The following RHOD variants were observed in gnomAD, a reference collection of about 807,000 sequenced individuals.
RHOD encodes ras homolog family member D, also known as rho-related GTP-binding protein RhoD.
Under a neutral mutation model 16.7 loss-of-function variants are expected in RHOD, and 11 were observed. The ratio of observed to expected loss-of-function variants is 0.66; its 90% CI spans 0.41 to 1.09. The LOEUF (loss-of-function observed/expected upper bound fraction) is 1.09. Among genes scored for constraint, RHOD ranks in the 50% least tolerant of loss-of-function variants. The pLI is 0.00. For synonymous variants in RHOD, 124 were observed against 126.3 expected (o/e 0.98, Z 0.12); for missense variants, 271 against 291.7 (o/e 0.93, Z 0.52).
At chr11:67,067,497 G>A (rs1233885109) in intron 3 of RHOD, among the ~76,000 whole-genome samples, 1 of 152,204 alleles carries the variant, frequency 6.6e-6, no homozygotes, top group East Asian at 1.9e-4. Flanking sequence ...ACCTTATGGA[G>A]TATTATTATT....
chr11:67,071,408 C>T, intron 4 of RHOD, 27 bp from the exon 5 acceptor site: 3 of 1,559,754 alleles, frequency 1.9e-6, no homozygotes, highest in Non-Finnish European at 2.6e-6. Flanking sequence ...CCCCCTTCAC[C>T]GCAGCCCCAT....
intron 1 of RHOD, among the ~76,000 whole-genome samples, chr11:67,058,828 TG>T (rs1854851544): frequency 6.6e-6 from 1 of 152,196 alleles, no homozygotes; most frequent in Non-Finnish European, 1.5e-5. Context: ...GCGGAGCTGG[TG>T]TCACCTCCTT....
chr11:67,057,454 G>A (rs955354629), intron 1 of RHOD, among the ~76,000 whole-genome samples: 1 of 152,214 alleles, frequency 6.6e-6, no homozygotes, highest in Non-Finnish European at 1.5e-5. Context: ...CATCACAGGT[G>A]AGTGACAGTG....
At chr11:67,061,737 TCTA>T (rs1854889914) in intron 1 of RHOD, among the ~76,000 whole-genome samples, 1 of 123,248 alleles carries the variant, frequency 8.1e-6, no homozygotes, top group African/African-American at 3.7e-5. Context: ...CGAGACCCTC[TCTA>T]AAAAAAAAAA....
At chr11:67,068,001 A>G (rs991302477) in intron 3 of RHOD, among the ~76,000 whole-genome samples, 2 of 151,792 alleles carry the variant, frequency 1.3e-5, no homozygotes, top group African/African-American at 2.4e-5. Flanking sequence ...GGGTTTCACC[A>G]TGTTAGCCAG....
chr11:67,066,030 C>A, intron 2 of RHOD, 47 bp downstream of exon 2: 1 of 1,378,904 alleles, frequency 7.3e-7, no homozygotes, highest in Non-Finnish European at 1.0e-6. Flanking sequence ...TCTGTGGGCC[C>A]CTGATGCCTG....
intron 1 of RHOD, among the ~76,000 whole-genome samples, chr11:67,058,694 G>A (rs1854848478): frequency 6.6e-6 from 1 of 152,132 alleles, no homozygotes; most frequent in Non-Finnish European, 1.5e-5. Context: ...CAGGACGGTC[G>A]GGCCTACCCC....
chr11:67,070,414 C>A lies in RHOD; in HGVS notation c.331-11C>A, dbSNP rs780369653. ...CACATGCCCCCCACATGCCCCCTCGCCCCCCTGCAGTGGTACCCAGAAGTG... is the reference window on the plus strand; with the variant it reads ...CACATGCCCCCCACATGCCCCCTCGACCCCCTGCAGTGGTACCCAGAAGTG... On this transcript the variant is annotated splice_polypyrimidine_tract_variant and intron_variant, in intron 3 of 4. Coordinates refer to ENST00000308831, the MANE Select transcript of RHOD (RefSeq NM_014578.4). The A allele has an allele frequency of 1.9e-6, 3 of 1,613,510 alleles. No homozygotes were observed. Among genetic ancestry groups the A allele is most frequent in the Admixed American group, 3.3e-5 (2 of 59,982 alleles).
At chr11:67,066,891 C>A in intron 3 of RHOD, 44 bp downstream of exon 3, 2 of 1,304,802 alleles carry the variant, frequency 1.5e-6, no homozygotes, top group Non-Finnish European at 2.2e-6. Context: ...ATAGCCAGGC[C>A]ACTCCACTCT....
intron 1 of RHOD, among the ~76,000 whole-genome samples, chr11:67,064,691 G>A (rs940931595): frequency 2.0e-5 from 3 of 152,140 alleles, no homozygotes; most frequent in Admixed American, 6.6e-5. Context: ...AATGAACAAA[G>A]CAAGGAATGA....
intron 1 of RHOD, among the ~76,000 whole-genome samples, chr11:67,063,329 A>C (rs917769889): frequency 1.3e-5 from 2 of 151,928 alleles, no homozygotes; most frequent in African/African-American, 4.8e-5. Flanking sequence ...TGTCTCTACG[A>C]AAAAAGAAGA....
At chr11:67,064,564 C>G (rs1854936198) in intron 1 of RHOD, among the ~76,000 whole-genome samples, 1 of 151,948 alleles carries the variant, frequency 6.6e-6, no homozygotes, top group Non-Finnish European at 1.5e-5. Flanking sequence ...AAGGAGGAAC[C>G]CCAAAAAGCT....
Position 67,066,758 on chromosome 11 carries a change from C to T in RHOD, c.241C>T (p.Leu81=). 6.2e-7 allele frequency: 1 copy of T among 1,613,554 alleles called. No individual in the cohort carries two copies. Among genetic ancestry groups the T allele is most frequent in the Non-Finnish European group, 8.5e-7 (1 of 1,179,480 alleles). ...DTAGQDDYDR[L]RPLFYPDASV... ...CCCAGGGCAAGATGACTATGACCGC[C>T]TGCGGCCCCTGTTCTACCCTGACGC... The change falls in exon 3 of 5, where the codon CTG becomes TTG. Residue 81 remains leucine, a synonymous_variant. Transcript: ENST00000308831.
rs1855028488 is a variant in RHOD at position 67,071,437 on chromosome 11, C to T, written c.468C>T (p.Gly156=). 3.1e-6 allele frequency: 5 copies of T among 1,589,636 alleles called. No homozygotes were observed. Among genetic ancestry groups the T allele is most frequent in the African/African-American group, 1.3e-5 (1 of 74,554 alleles). Residue 156 remains glycine, a splice_region_variant and synonymous_variant, in exon 5 of 5, where the codon GGC becomes GGT. Coordinates refer to ENST00000308831, the MANE Select transcript of RHOD (RefSeq NM_014578.4). ...GCCCCATCCACCTCTCCCTCTAGGG[C>T]CAGGAGATGGCGAGGTCCGTGGGCG... The part of the protein sequence containing the change: ...NGLEPVTYHR[G]QEMARSVGAV...
intron 1 of RHOD, among the ~76,000 whole-genome samples, chr11:67,062,253 C>T (rs1224295986): frequency 2.6e-5 from 4 of 152,120 alleles, no homozygotes; most frequent in Non-Finnish European, 5.9e-5. Context: ...GTCCATCCTC[C>T]CTCCCACATC....
rs1355069215 is a variant in RHOD at position 67,071,526 on chromosome 11, C to G, written c.557C>G (p.Ala186Gly). 6.2e-7 allele frequency: 1 copy of G among 1,611,836 alleles called. No homozygotes were observed. The highest frequency in any genetic ancestry group is 8.5e-7 in the Non-Finnish European group (1 of 1,179,428). The change falls in exon 5 of 5, where the codon GCC (alanine) becomes GGC (glycine). Residue 186 changes from alanine to glycine, a missense_variant. Transcript: ENST00000308831. ...AACGTCCACGCCGTCTTCCAGGAGG[C>G]CGCCGAGGTGGCCCTCAGCAGCCGC... ...HDNVHAVFQE[A>G]AEVALSSRGR...
At chr11:67,060,462 C>G (rs1228977489) in intron 1 of RHOD, among the ~76,000 whole-genome samples, 1 of 152,206 alleles carries the variant, frequency 6.6e-6, no homozygotes. Flanking sequence ...GACAGAGTCT[C>G]TAGGATGACG....
intron 1 of RHOD, among the ~76,000 whole-genome samples, chr11:67,062,855 C>A (rs946624453): frequency 6.6e-6 from 1 of 152,248 alleles, no homozygotes; most frequent in African/African-American, 2.4e-5. Flanking sequence ...CAAGAGCGGG[C>A]GGCCCAGCAT....
Position 67,065,886 on chromosome 11 carries a change from T to G in RHOD, c.133-10T>G, listed in dbSNP as rs1488937642. The stretch of plus-strand genomic sequence containing the variant: ...CTCCTCACACCCTCCCCCGCCCTGC[T>G]TCTCCTCAGAGCTACACCCCCACGG... On this transcript the variant is annotated splice_polypyrimidine_tract_variant and intron_variant, in intron 1 of 4. Transcript: ENST00000308831. 6.2e-7 allele frequency: 1 copy of G among 1,610,406 alleles called. No homozygotes were observed. Among genetic ancestry groups the G allele is most frequent in the Admixed American group, 1.7e-5 (1 of 59,952 alleles).
Sources: allele counts gnomAD v4.1 joint callset (sites outside exome capture counted in the v4.1 genomes callset), GRCh38; gene constraint gnomAD v4.1.1; transcripts MANE v1.5; gene names NCBI Gene and HGNC (gene_info 2026-07-23, HGNC 2026-07-21).